The following SYT10 variants were observed in gnomAD, a reference collection of about 807,000 sequenced individuals.
SYT10 encodes synaptotagmin 10, also known as synaptotagmin-10.
SYT10 carries 31 observed loss-of-function variants against 51.1 expected under a neutral mutation model. The ratio of observed to expected loss-of-function variants is 0.61; its 90% CI spans 0.46 to 0.82. The LOEUF is 0.82. Among genes scored for constraint, SYT10 ranks in the 40% least tolerant of loss-of-function variants. SYT10 has a pLI of 0.00. For synonymous variants in SYT10, 233 were observed against 225.9 expected (o/e 1.03, Z -0.28); for missense variants, 603 against 634.0 (o/e 0.95, Z 0.53).
At chr12:33,381,298 C>A (rs562376657) in intron 5 of SYT10, among the ~76,000 whole-genome samples, 1 of 152,256 alleles carries the variant, frequency 6.6e-6, no homozygotes, top group East Asian at 1.9e-4. Context: ...GTTTCCCCCC[C>A]TAGCTCTAAG....
rs368445076 is a variant in SYT10, at chr12:33,388,619, G to A, written c.1078-3328C>T. Among the ~76,000 whole-genome samples, 6 of 151,946 alleles carry A rather than the reference G, an allele frequency of 3.9e-5. No individual in the cohort carries two copies. The East Asian group carries it at 9.7e-4, about 24-fold the overall frequency. Reference sequence around the variant, plus strand: ...ATTCTCATACACACTAATTTATTTCGCTGAACAATCACAATAATAATCTTC... The same window carrying A: ...ATTCTCATACACACTAATTTATTTCACTGAACAATCACAATAATAATCTTC... On this transcript the variant is annotated intron_variant, in intron 3 of 6. Transcript: ENST00000228567.
intron 1 of SYT10, among the ~76,000 whole-genome samples, chr12:33,429,438 G>A (rs1866579986): frequency 6.6e-6 from 1 of 152,222 alleles, no homozygotes; most frequent in African/African-American, 2.4e-5. Context: ...GAAAACATTA[G>A]ATGCCTGGTC....
At chr12:33,382,634 C>T in intron 4 of SYT10, 114 bp from the exon 5 acceptor site, 1 of 887,296 alleles carries the variant, frequency 1.1e-6, no homozygotes, top group Non-Finnish European at 1.5e-6. Flanking sequence ...ATATTAAGAC[C>T]TTTAGTATTA....
At chr12:33,425,190 TAG>T (rs888615335) in intron 2 of SYT10, among the ~76,000 whole-genome samples, 1 of 152,106 alleles carries the variant, frequency 6.6e-6, no homozygotes, top group African/African-American at 2.4e-5. Flanking sequence ...GTCTTCGGTT[TAG>T]AGAGATAAAA....
intron 6 of SYT10, 120 bp downstream of exon 6, chr12:33,379,712 C>G (rs1230105665): frequency 7.5e-7 from 1 of 1,338,340 alleles, no homozygotes; most frequent in Admixed American, 2.3e-5. Flanking sequence ...CAAGAACAAT[C>G]TTTTCTATTT....
intron 2 of SYT10, among the ~76,000 whole-genome samples, chr12:33,420,297 A>T (rs1866491130): frequency 6.6e-6 from 1 of 152,142 alleles, no homozygotes; most frequent in Non-Finnish European, 1.5e-5. Flanking sequence ...ATTTACTAGG[A>T]ACTAAGAAAA....
chr12:33,415,066 A>T (rs1218154452), intron 2 of SYT10, among the ~76,000 whole-genome samples: 2 of 152,208 alleles, frequency 1.3e-5, no homozygotes, highest in Non-Finnish European at 2.9e-5. Context: ...AAGTGTTTAA[A>T]GACTTTTACA....
intron 5 of SYT10, among the ~76,000 whole-genome samples, chr12:33,380,390 C>A (rs556756816): frequency 6.6e-6 from 1 of 152,148 alleles, no homozygotes; most frequent in South Asian, 2.1e-4. Flanking sequence ...ACAGCAGTAC[C>A]AATTTTCTTT....
In SYT10 at chr12:33,382,122, G is replaced by A. The variant is rs11052667; in HGVS notation, c.1370+227C>T. The stretch of plus-strand genomic sequence containing the variant: ...TTGAATATGTTCTATACTACTTCTG[G>A]ACCCATTCTTTCACCAGTCCCCGGT... On this transcript the variant is annotated intron_variant, in intron 5 of 6. Transcript: ENST00000228567. Among the ~76,000 whole-genome samples the A allele has an allele frequency of 6.7e-3, 1,012 of 152,152 alleles. 9 individuals are homozygous for A. Among genetic ancestry groups the A allele is most frequent in the African/African-American group, 0.023 (955 of 41,498 alleles).
intron 2 of SYT10, 95 bp downstream of exon 2, chr12:33,426,043 T>C (rs2138432386): frequency 7.6e-7 from 1 of 1,313,442 alleles, no homozygotes; most frequent in East Asian, 2.4e-5. Context: ...CAACTAAAGT[T>C]TTTCTCTCTT....
At chr12:33,415,992 G>A (rs1442898264) in intron 2 of SYT10, among the ~76,000 whole-genome samples, 1 of 152,126 alleles carries the variant, frequency 6.6e-6, no homozygotes, top group African/African-American at 2.4e-5. Context: ...TCACATGGTG[G>A]CTGTTATTTC....
At chr12:33,405,569 T>C (rs1472399566) in intron 3 of SYT10, 2 of 151,964 alleles carry the variant, frequency 1.3e-5, no homozygotes, top group Non-Finnish European at 2.9e-5. Flanking sequence ...AATATAATTA[T>C]CCCACATACT....
intron 1 of SYT10, among the ~76,000 whole-genome samples, chr12:33,427,779 C>A (rs554364360): frequency 2.0e-5 from 3 of 152,118 alleles, no homozygotes; most frequent in African/African-American, 7.2e-5. Flanking sequence ...AGAAAAATAA[C>A]CTATCAAAAG....
intron 1 of SYT10, among the ~76,000 whole-genome samples, chr12:33,431,659 A>AAGC (rs1866597912): frequency 6.6e-6 from 1 of 152,208 alleles, no homozygotes; most frequent in South Asian, 2.1e-4. Context: ...GCTAACAGCT[A>AAGC]AGCAGTAATT....
rs1866049499 is a variant in SYT10 at position 33,374,825 on chromosome 12, G to C, written c.*2005C>G. ...CTCCTTAGGGAGTAAAGAAAAGCGA[G>C]TTTCTAAGAATCAACAAAAAGTCCT... On this transcript the variant is annotated 3_prime_UTR_variant, in exon 7 of 7. Transcript: ENST00000228567. 1 of 151,844 alleles carries C rather than the reference G, an allele frequency of 6.6e-6. No individual in the cohort carries two copies. Among genetic ancestry groups the C allele is most frequent in the African/African-American group, 2.4e-5 (1 of 41,388 alleles). 9.4% of individuals were successfully genotyped at this position (151,844 alleles called of 1,614,324 possible). A position where few individuals can be genotyped will look rare whatever the true frequency, so the allele number is the denominator to read the frequency against.
chr12:33,426,570 A>G, intron 1 of SYT10, 75 bp from the exon 2 acceptor site: 1 of 1,204,596 alleles, frequency 8.3e-7, no homozygotes, highest in Non-Finnish European at 1.1e-6. Context: ...AATATTTTAC[A>G]TCATAATTGT....
At chr12:33,379,732 A>G in intron 6 of SYT10, 100 bp downstream of exon 6, 2 of 1,433,816 alleles carry the variant, frequency 1.4e-6, no homozygotes, top group Non-Finnish European at 1.9e-6. Flanking sequence ...TTTTTTAACA[A>G]GGGTGAATAC....
chr12:33,391,794 A>G (rs1484913784), intron 3 of SYT10, among the ~76,000 whole-genome samples: 1 of 152,186 alleles, frequency 6.6e-6, no homozygotes, highest in Non-Finnish European at 1.5e-5. Flanking sequence ...GTCAGTGATT[A>G]TCATAAGGTG....
chr12:33,394,460 T>C (rs2892701), intron 3 of SYT10, among the ~76,000 whole-genome samples: 108,999 of 152,150 alleles, frequency 0.72, 40,691 homozygotes, highest in East Asian at 0.95. Context: ...CTTTAGGACA[T>C]GGAAGTAGCT....
Sources: allele counts gnomAD v4.1 joint callset (sites outside exome capture counted in the v4.1 genomes callset), GRCh38; gene constraint gnomAD v4.1.1; transcripts MANE v1.5; gene names NCBI Gene and HGNC (gene_info 2026-07-23, HGNC 2026-07-21).